ITPR1: variants seen among roughly 807,000 people sequenced by gnomAD.
ITPR1 encodes the protein inositol 1,4,5-trisphosphate-gated calcium channel ITPR1.
A neutral mutation model predicts 318.4 loss-of-function variants in ITPR1; 96 were observed. The observed-to-expected ratio is 0.30, with a 90% CI of 0.26 to 0.36. The LOEUF is 0.36. Ranked by LOEUF, ITPR1 falls within the 10% of genes least tolerant of loss-of-function variation. The pLI is 1.00. For missense variants in ITPR1, 2,440 were observed against 3,460.2 expected (o/e 0.71, Z 7.40); for synonymous variants, 1,312 against 1,289.9 (o/e 1.02, Z -0.37).
chr3:4,501,844 C>A (rs1298597741), intron 2 of ITPR1, among the ~76,000 whole-genome samples: 1 of 152,230 alleles, frequency 6.6e-6, no homozygotes, highest in African/African-American at 2.4e-5. Flanking sequence ...CACTGCTGTT[C>A]ACCTGCTGTC....
intron 4 of ITPR1, among the ~76,000 whole-genome samples, chr3:4,560,845 C>T (rs2086600984): frequency 6.6e-6 from 1 of 152,200 alleles, no homozygotes; most frequent in Admixed American, 6.5e-5. Context: ...TGTTCTAGAA[C>T]TCCTATCTTG....
At chr3:4,687,390 A>T (rs1426338729) in intron 30 of ITPR1, among the ~76,000 whole-genome samples, 1 of 152,196 alleles carries the variant, frequency 6.6e-6, no homozygotes, top group Admixed American at 6.5e-5. Flanking sequence ...CACTTTTGTT[A>T]TCTCCTTTTC....
intron 40 of ITPR1, 108 bp from the exon 41 acceptor site, chr3:4,725,438 C>A: frequency 2.2e-6 from 2 of 927,588 alleles, no homozygotes; most frequent in South Asian, 2.7e-5. Flanking sequence ...TGCCTCATCT[C>A]TGATCCTTCC....
chr3:4,727,879 C>T (rs1322692948), intron 42 of ITPR1, among the ~76,000 whole-genome samples: 1 of 152,180 alleles, frequency 6.6e-6, no homozygotes, highest in Non-Finnish European at 1.5e-5. Context: ...CCCAGCCCCA[C>T]TAATGTTTTA....
chr3:4,587,781 A>G (rs1454299988), intron 4 of ITPR1, among the ~76,000 whole-genome samples: 1 of 152,206 alleles, frequency 6.6e-6, no homozygotes, highest in Non-Finnish European at 1.5e-5. Context: ...TTTGGGAAGG[A>G]CTTGTTAAAA....
chr3:4,560,810 A>C (rs2086598088), intron 4 of ITPR1, among the ~76,000 whole-genome samples: 2 of 152,224 alleles, frequency 1.3e-5, no homozygotes, highest in South Asian at 2.1e-4. Flanking sequence ...GCGACTTATT[A>C]TAACGTAACT....
Position 4,846,275 on chromosome 3 carries a change from T to C in ITPR1, c.*50T>C. Reference sequence around the variant, plus strand: ...TTACCTTTTATAATTATTATTAGTGTGGGTATGGCTAATGAGTTCTGATTC... The same window carrying C: ...TTACCTTTTATAATTATTATTAGTGCGGGTATGGCTAATGAGTTCTGATTC... On this transcript the variant is annotated 3_prime_UTR_variant, in exon 62 of 62. Transcript: ENST00000649015. The C allele has an allele frequency of 8.0e-7, 1 of 1,250,126 alleles. No homozygotes were observed. 77.4% of individuals were successfully genotyped at this position (1,250,126 alleles called of 1,614,324 possible).
chr3:4,532,943 T>G (rs2083539908), intron 4 of ITPR1, among the ~76,000 whole-genome samples: 3 of 152,252 alleles, frequency 2.0e-5, no homozygotes, highest in Non-Finnish European at 2.9e-5. Flanking sequence ...GCTGACCATC[T>G]GTCGGGGATT....
chr3:4,767,847 C>T (rs2045920686), intron 45 of ITPR1, among the ~76,000 whole-genome samples: 1 of 152,192 alleles, frequency 6.6e-6, no homozygotes, highest in Non-Finnish European at 1.5e-5. Context: ...TCATTTCAGA[C>T]TCATGTCACC....
At chr3:4,656,479 G>T (rs1407151085) in intron 12 of ITPR1, among the ~76,000 whole-genome samples, 3 of 152,200 alleles carry the variant, frequency 2.0e-5, no homozygotes, top group Non-Finnish European at 2.9e-5. Context: ...AGCGTAGATA[G>T]AATAAAGGGT....
intron 49 of ITPR1, 92 bp from the exon 50 acceptor site, chr3:4,782,527 G>A: frequency 7.4e-7 from 1 of 1,342,998 alleles, no homozygotes; most frequent in South Asian, 1.6e-5. Flanking sequence ...CTTTTCCCTG[G>A]GAGGGGAGAC....
At chr3:4,762,903 G>T (rs888709755) in intron 44 of ITPR1, among the ~76,000 whole-genome samples, 1 of 152,170 alleles carries the variant, frequency 6.6e-6, no homozygotes, top group East Asian at 1.9e-4. Flanking sequence ...GTTTATTGCA[G>T]CACTCTTCAT....
chr3:4,608,495 A>C (rs767082806), intron 4 of ITPR1, among the ~76,000 whole-genome samples: 1 of 152,152 alleles, frequency 6.6e-6, no homozygotes, highest in Admixed American at 6.5e-5. Context: ...ATTGGTTCTC[A>C]AGAAGGATAG....
intron 61 of ITPR1, among the ~76,000 whole-genome samples, chr3:4,845,930 C>T (rs1163300809): frequency 6.6e-6 from 1 of 152,220 alleles, no homozygotes; most frequent in Non-Finnish European, 1.5e-5. Context: ...CTGAATGTTA[C>T]ATTGCATGAC....
chr3:4,759,406 T>G (rs2045270817), intron 44 of ITPR1, among the ~76,000 whole-genome samples: 1 of 152,176 alleles, frequency 6.6e-6, no homozygotes, highest in African/African-American at 2.4e-5. Flanking sequence ...TATCAGAAGG[T>G]AAGAATGTAA....
chr3:4,800,081 G>A lies in ITPR1; in HGVS notation c.6932-344G>A, dbSNP rs1412686823. On this transcript the variant is annotated intron_variant, in intron 53 of 61. Transcript: ENST00000649015. ...CCATTAGGAAATAGTGTCCTGTAGG[G>A]ATGACTGGAAGCAGGGAGTACGGAG... The A allele has an allele frequency of 1.6e-5, 5 of 305,548 alleles. No individual in the cohort carries two copies. In the East Asian group the frequency reaches 3.8e-4, roughly 23 times the overall value. The allele number at this position is 305,548 out of a possible 1,614,324, so 18.9% of individuals were successfully genotyped here.
chr3:4,524,301 GTTTTTTTTTTTTT>G (rs56380229), intron 4 of ITPR1, among the ~76,000 whole-genome samples: 35 of 73,496 alleles, frequency 4.8e-4, no homozygotes, highest in Non-Finnish European at 7.1e-4. Flanking sequence ...ATACTTTGAC[GTTTTTTTTTTTTT>G]TTTTTTTTTT....
intron 24 of ITPR1, 50 bp downstream of exon 24, chr3:4,676,851 A>T (rs762308768): frequency 7.0e-7 from 1 of 1,419,098 alleles, no homozygotes; most frequent in African/African-American, 1.4e-5. Flanking sequence ...CAGAGGCGCC[A>T]TTCAGATCCA....
At chr3:4,594,906 C>T (rs978824359) in intron 4 of ITPR1, among the ~76,000 whole-genome samples, 45 of 150,316 alleles carry the variant, frequency 3.0e-4, no homozygotes, top group Middle Eastern at 3.5e-3. Flanking sequence ...GAGTGTAGAT[C>T]GTATCACCCT....
Sources: allele counts gnomAD v4.1 joint callset (sites outside exome capture counted in the v4.1 genomes callset), GRCh38; gene constraint gnomAD v4.1.1; transcripts MANE v1.5; gene names NCBI Gene and HGNC (gene_info 2026-07-23, HGNC 2026-07-21).